Variants in VRK2 observed in about 807,000 individuals in gnomAD.
The protein encoded by VRK2 is serine/threonine-protein kinase VRK2.
VRK2 carries 60 observed loss-of-function variants against 57.6 expected under a neutral mutation model. That is an observed-to-expected ratio of 1.04 (90% CI 0.85 to 1.29). VRK2 has a LOEUF of 1.29. Among genes scored for constraint, VRK2 ranks in the 50% most tolerant of loss-of-function variants. The pLI, the probability that VRK2 is intolerant of heterozygous loss-of-function variation, is 0.00. For missense variants in VRK2, 705 were observed against 588.1 expected, an observed-to-expected ratio of 1.20 and a Z score of -2.06; for synonymous variants, 231 against 199.2, an observed-to-expected ratio of 1.16 and a Z score of -1.35.
intron 1 of VRK2, among the ~76,000 whole-genome samples, chr2:57,961,765 C>G (rs1211269302): frequency 6.6e-6 from 1 of 152,130 alleles, no homozygotes; most frequent in Non-Finnish European, 1.5e-5. Context: ...ATAGAGAGCA[C>G]TGATAGAGGC....
intron 11 of VRK2, among the ~76,000 whole-genome samples, chr2:58,143,778 C>T (rs554740452): frequency 1.3e-5 from 2 of 151,846 alleles, no homozygotes; most frequent in African/African-American, 4.8e-5. Flanking sequence ...TCTGCACTCC[C>T]ATGTTCATTG....
At chr2:57,987,001 A>G (rs1313853551) in intron 1 of VRK2, among the ~76,000 whole-genome samples, 2 of 152,188 alleles carry the variant, frequency 1.3e-5, no homozygotes, top group African/African-American at 2.4e-5. Context: ...GGATATACAC[A>G]TGCAAAAAAA....
At chr2:58,006,424 T>TA (rs1344501587) in intron 1 of VRK2, among the ~76,000 whole-genome samples, 1 of 152,192 alleles carries the variant, frequency 6.6e-6, no homozygotes, top group Non-Finnish European at 1.5e-5. Flanking sequence ...ATTGGAATGT[T>TA]AGAGTGGATT....
intron 2 of VRK2, among the ~76,000 whole-genome samples, chr2:58,083,325 T>C (rs1671163150): frequency 6.6e-6 from 1 of 151,818 alleles, no homozygotes; most frequent in Admixed American, 6.6e-5. Context: ...TAAATATACA[T>C]GTAAATTTAT....
intron 3 of VRK2, among the ~76,000 whole-genome samples, chr2:58,035,583 T>C (rs1674249874): frequency 6.6e-6 from 1 of 152,062 alleles, no homozygotes; most frequent in Non-Finnish European, 1.5e-5. Flanking sequence ...ATCAGCACTG[T>C]CATAAATACT....
intron 1 of VRK2, among the ~76,000 whole-genome samples, chr2:57,952,664 T>C (rs1671462284): frequency 1.3e-5 from 2 of 151,512 alleles, no homozygotes; most frequent in Admixed American, 6.6e-5. Context: ...TATTCTCGGA[T>C]ACATGATCTC....
chr2:58,113,312 CAAAA>C (rs60456089), intron 7 of VRK2, among the ~76,000 whole-genome samples: 2 of 82,206 alleles, frequency 2.4e-5, no homozygotes, highest in Non-Finnish European at 2.8e-5. Context: ...AACTCCGTCT[CAAAA>C]AAAAAAAAAA....
chr2:58,047,046 C>CT (rs921712512), intron 1 of VRK2, 178 bp downstream of exon 1: 14 of 914,428 alleles, frequency 1.5e-5, no homozygotes, highest in South Asian at 1.0e-4. Context: ...GCGTTTGGTT[C>CT]TTTTTTCCCC....
intron 7 of VRK2, among the ~76,000 whole-genome samples, chr2:58,090,527 G>A (rs1259960202): frequency 1.3e-5 from 2 of 151,900 alleles, no homozygotes. Context: ...TACTTAAAAC[G>A]TGGTCAGTAC....
At chr2:58,024,105 C>A (rs182356662) in intron 1 of VRK2, among the ~76,000 whole-genome samples, 184 of 151,990 alleles carry the variant, frequency 1.2e-3, no homozygotes, top group African/African-American at 4.4e-3. Context: ...CCTGTCTCAG[C>A]CTCCCTCCCA....
chr2:58,134,613 G>T (rs1421612945), intron 9 of VRK2, among the ~76,000 whole-genome samples: 1 of 102,940 alleles, frequency 9.7e-6, no homozygotes, highest in East Asian at 2.4e-4. Flanking sequence ...GCGAGACTCC[G>T]TCTCAAAAAA....
chr2:57,925,867 C>T (rs1390810845), intron 1 of VRK2, among the ~76,000 whole-genome samples: 1 of 151,660 alleles, frequency 6.6e-6, no homozygotes, highest in Non-Finnish European at 1.5e-5. Context: ...ATGTGTATAG[C>T]TATAAACTTT....
chr2:58,002,540 T>C (rs1673122087), intron 1 of VRK2, among the ~76,000 whole-genome samples: 1 of 151,800 alleles, frequency 6.6e-6, no homozygotes, highest in Non-Finnish European at 1.5e-5. Context: ...ATTTTGAGAA[T>C]GAAGAAAAAT....
intron 2 of VRK2, among the ~76,000 whole-genome samples, chr2:58,078,593 G>C (rs923538816): frequency 6.6e-6 from 1 of 151,798 alleles, no homozygotes; most frequent in Non-Finnish European, 1.5e-5. Flanking sequence ...ATAGTGATGG[G>C]GTAATTTTAT....
At chr2:58,117,390 C>T (rs903443556) in intron 7 of VRK2, among the ~76,000 whole-genome samples, 16 of 151,536 alleles carry the variant, frequency 1.1e-4, no homozygotes, top group South Asian at 6.3e-4. Flanking sequence ...GGAGGGGAGG[C>T]GATAAAAAGA....
chr2:58,029,216 T>C (rs544729515), intron 2 of VRK2, among the ~76,000 whole-genome samples: 6 of 152,026 alleles, frequency 3.9e-5, no homozygotes, highest in African/African-American at 1.2e-4. Flanking sequence ...ATGAATGAAA[T>C]AGAGAGGAAA....
intron 7 of VRK2, among the ~76,000 whole-genome samples, chr2:58,093,579 A>C (rs1237898715): frequency 6.6e-6 from 1 of 152,038 alleles, no homozygotes; most frequent in African/African-American, 2.4e-5. Flanking sequence ...TTGTCAGATG[A>C]GTAGGTTGCG....
intron 12 of VRK2, chr2:58,154,868 AC>A: frequency 1.6e-6 from 1 of 644,806 alleles, no homozygotes; most frequent in Non-Finnish European, 2.9e-6. Context: ...AAATATTTAT[AC>A]ATTTCAATTT....
chr2:57,987,375 T>C (rs182493235), intron 1 of VRK2, among the ~76,000 whole-genome samples: 2 of 152,224 alleles, frequency 1.3e-5, no homozygotes, highest in Non-Finnish European at 1.5e-5. Flanking sequence ...GATGAAAATA[T>C]ACATATGGCA....
Sources: gnomAD v4.1 joint callset for allele counts (sites outside exome capture counted in the v4.1 genomes callset) on GRCh38, gnomAD v4.1.1 for gene constraint, MANE v1.5 for transcripts, NCBI Gene and HGNC (gene_info 2026-07-23, HGNC 2026-07-21) for gene names.